The following PANK1 variants were observed in gnomAD, a reference collection of about 807,000 sequenced individuals.
PANK1 encodes the protein pantothenic acid kinase 1.
Under a neutral mutation model 40.1 loss-of-function variants are expected in PANK1, and 18 were observed. The observed-to-expected ratio is 0.45, with a 90% CI of 0.31 to 0.67. The LOEUF (loss-of-function observed/expected upper bound fraction) is 0.67. Ranked by LOEUF, PANK1 falls within the 30% of genes least tolerant of loss-of-function variation. PANK1 has a pLI of 0.06. For synonymous variants in PANK1, 242 were observed against 237.7 expected (o/e 1.02, Z -0.17); for missense variants, 457 against 599.6 (o/e 0.76, Z 2.48).
chr10:89,586,486 T>C (rs1212360265), intron 6 of PANK1, among the ~76,000 whole-genome samples: 1 of 152,196 alleles, frequency 6.6e-6, no homozygotes, highest in Non-Finnish European at 1.5e-5. Flanking sequence ...TTCTTTAGTA[T>C]GAATTTCTAT....
chr10:89,581,538 C>A (rs1451922801), downstream of PANK1: 1 of 152,560 alleles, frequency 6.6e-6, no homozygotes, highest in East Asian at 1.9e-4. Context: ...CCCGCCTCAG[C>A]CTCCCAAGTA....
In PANK1 at chr10:89,631,976, G is replaced by GTGTGTGTGTGTGTGTGTGTGT. The variant is rs199540491; in HGVS notation, c.292+12623_292+12624insACACACACACACACACACACA. Among the ~76,000 whole-genome samples the GTGTGTGTGTGTGTGTGTGTGT allele has an allele frequency of 2.8e-5, 4 of 143,308 alleles. No individual in the cohort carries two copies. In the South Asian group the frequency reaches 6.6e-4, roughly 24 times the overall value. 94.0% of individuals were successfully genotyped at this position (143,308 alleles called of 152,430 possible). A position where few individuals can be genotyped will look rare whatever the true frequency, so the allele number is the denominator to read the frequency against. ...ACAGATTGTGTGTGTGTGTGTGTGT[G>GTGTGTGTGTGTGTGTGTGTGT]TTTTTTTTTTTAAAAAGGGTTCTTT... is the stretch of plus-strand genomic sequence containing the variant. On this transcript the variant is annotated intron_variant, in intron 1 of 6. Coordinates refer to ENST00000307534, the MANE Select transcript of PANK1 (RefSeq NM_148977.3).
chr10:89,640,009 A>G (rs911672497), intron 1 of PANK1, among the ~76,000 whole-genome samples: 42 of 152,244 alleles, frequency 2.8e-4, no homozygotes, highest in African/African-American at 8.9e-4. Flanking sequence ...TTATTGTGAT[A>G]GAAAACAAAG....
rs771494165 is a variant in PANK1, at chr10:89,599,522, A to G, written c.646-17T>C. The G allele has an allele frequency of 5.6e-6, 9 of 1,603,596 alleles. No homozygotes were observed. Among genetic ancestry groups the G allele is most frequent in the Non-Finnish European group, 6.8e-6 (8 of 1,174,002 alleles). ...GTCAGCAATCTAAAACAAAACACAC[A>G]ACAAAATAAAACCTTGTGAGATAGG... On this transcript the variant is annotated splice_polypyrimidine_tract_variant and intron_variant, in intron 2 of 6. Coordinates refer to ENST00000307534, the MANE Select transcript of PANK1 (RefSeq NM_148977.3).
chr10:89,645,077 C>G lies in PANK1; in HGVS notation c.-186G>C, dbSNP rs760984127. On this transcript the variant is annotated 5_prime_UTR_variant, in exon 1 of 7. Transcript: ENST00000307534. ...CCTGCCGACTCCCCCACCTCCTCTG[C>G]GCCCTGCCCCCCGCGCGCCGGCCCC... is the stretch of plus-strand genomic sequence containing the variant. 6.6e-7 allele frequency: 1 copy of G among 1,522,418 alleles called. No homozygotes were observed. The highest frequency in any genetic ancestry group is 1.2e-5 in the South Asian group (1 of 80,108). 94.3% of individuals were successfully genotyped at this position (1,522,418 alleles called of 1,614,324 possible). A position where few individuals can be genotyped will look rare whatever the true frequency, so the allele number is the denominator to read the frequency against.
At chr10:89,584,764 T>C (rs543760096) in intron 6 of PANK1, among the ~76,000 whole-genome samples, 1 of 152,340 alleles carries the variant, frequency 6.6e-6, no homozygotes, top group East Asian at 1.9e-4. Flanking sequence ...AAACACTGAC[T>C]ATTATTTCAC....
chr10:89,607,599 G>A (rs143652381), intron 2 of PANK1, among the ~76,000 whole-genome samples: 108 of 152,320 alleles, frequency 7.1e-4, no homozygotes, highest in African/African-American at 2.3e-3. Flanking sequence ...AACAAGGTAT[G>A]CCTGTATTGC....
At chr10:89,610,290 T>C (rs781579717) in intron 2 of PANK1, among the ~76,000 whole-genome samples, 17 of 152,180 alleles carry the variant, frequency 1.1e-4, no homozygotes, top group Non-Finnish European at 2.4e-4. Context: ...GAGTTCAGGT[T>C]CAATGGTTTT....
chr10:89,611,671 T>C, intron 2 of PANK1, 25 bp downstream of exon 2: 1 of 1,537,562 alleles, frequency 6.5e-7, no homozygotes. Flanking sequence ...GTTTTGATGT[T>C]TTAACAAAGA....
chr10:89,608,278 A>G (rs988934656), intron 2 of PANK1, among the ~76,000 whole-genome samples: 7 of 151,686 alleles, frequency 4.6e-5, no homozygotes, highest in African/African-American at 1.2e-4. Context: ...TGATCCACCC[A>G]CCTCGGCCCC....
intron 1 of PANK1, among the ~76,000 whole-genome samples, chr10:89,622,153 T>G (rs899928585): frequency 6.6e-6 from 1 of 152,244 alleles, no homozygotes; most frequent in African/African-American, 2.4e-5. Flanking sequence ...GTTGAAAACT[T>G]AATGACTATT....
Position 89,599,360 on chromosome 10 carries a change from G to A in PANK1, c.791C>T (p.Pro264Leu), listed in dbSNP as rs776859808. Residue 264 changes from proline (P) to leucine (L), a missense_variant, in exon 3 of 7, where the codon CCG (proline) becomes CTG (leucine). By Grantham distance (98) the Pro-to-Leu change is moderately conservative. Around this residue, in one of 4 missense-constraint regions of PANK1, gnomAD observed 286 missense variants for 415.8 expected, o/e 0.69. Transcript: ENST00000307534. Reference protein sequence around the residue: ...PTNPELCQKKPYCLDNPYPML... With the variant: ...PTNPELCQKKLYCLDNPYPML... ...AGGGTATGGGTTATCAAGGCAGTAC[G>A]GCTTTTTTTGACACAATTCAGGATT... 12 of 1,613,802 alleles carry A rather than the reference G, an allele frequency of 7.4e-6. No individual in the cohort carries two copies. Among genetic ancestry groups the A allele is most frequent in the South Asian group, 2.2e-5 (2 of 91,078 alleles).
intron 1 of PANK1, among the ~76,000 whole-genome samples, chr10:89,619,234 T>G (rs1845408362): frequency 6.6e-6 from 1 of 152,234 alleles, no homozygotes; most frequent in Admixed American, 6.5e-5. Flanking sequence ...AAAACTTTAT[T>G]GGCAGTTGAT....
At chr10:89,585,273 C>A (rs1224598761) in intron 6 of PANK1, among the ~76,000 whole-genome samples, 3 of 152,126 alleles carry the variant, frequency 2.0e-5, no homozygotes, top group African/African-American at 7.2e-5. Context: ...GAAGGCTCAG[C>A]CCTCATGACT....
chr10:89,584,877 T>C lies in PANK1; in HGVS notation c.1327-412A>G, dbSNP rs149237566. The stretch of plus-strand genomic sequence containing the variant: ...TGTCTGACTTTAAAGCTATATTTCA[T>C]GAGAGAAAACCCTAAACTTCCCTCA... On this transcript the variant is annotated intron_variant, in intron 6 of 6. Transcript: ENST00000307534. Among the ~76,000 whole-genome samples the C allele has an allele frequency of 1.1e-3, 175 of 152,340 alleles. 2 individuals carry two copies. The highest frequency in any genetic ancestry group is 4.0e-3 in the African/African-American group (166 of 41,580).
intron 1 of PANK1, among the ~76,000 whole-genome samples, chr10:89,642,028 T>A (rs1481678259): frequency 1.3e-5 from 2 of 152,280 alleles, no homozygotes; most frequent in East Asian, 3.9e-4. Flanking sequence ...TAAGGAAACC[T>A]GATAGTAAGT....
At position 89,644,840 on chromosome 10, in the gene PANK1, C is replaced by T. The variant is rs1842067814; in HGVS notation, c.52G>A (p.Ala18Thr). The change falls in exon 1 of 7, where the codon GCC (alanine) becomes ACC (threonine). Residue 18 changes from alanine (A) to threonine (T), a missense_variant. By Grantham distance (58) the Ala-to-Thr change is moderately conservative. Coordinates refer to ENST00000307534, the MANE Select transcript of PANK1 (RefSeq NM_148977.3). ...QERSVPHSPGAPVGTSAAAVN... is the reference protein window; with the variant it reads ...QERSVPHSPGTPVGTSAAAVN... ...GCGGCGGCGCTGGTGCCCACGGGGG[C>T]CCCTGGAGAGTGCGGGACCGAGCGC... The T allele has an allele frequency of 6.8e-7, 1 of 1,468,084 alleles. No individual in the cohort carries two copies. The highest frequency in any genetic ancestry group is 8.9e-7 in the Non-Finnish European group (1 of 1,117,696). 90.9% of individuals were successfully genotyped at this position (1,468,084 alleles called of 1,614,324 possible).
chr10:89,591,158 G>A (rs1246735928), intron 5 of PANK1, among the ~76,000 whole-genome samples: 1 of 152,052 alleles, frequency 6.6e-6, no homozygotes, highest in Non-Finnish European at 1.5e-5. Context: ...ATGCTATATA[G>A]AGTTTGCTAC....
intron 1 of PANK1, among the ~76,000 whole-genome samples, chr10:89,640,392 T>TACAC (rs34655029): frequency 0.21 from 31,629 of 149,964 alleles, 3,373 homozygotes; most frequent in East Asian, 0.36. Context: ...AAGGAGAGAA[T>TACAC]ACACACACAC....
Sources: gnomAD v4.1 joint callset for allele counts (sites outside exome capture counted in the v4.1 genomes callset) on GRCh38, gnomAD v4.1.1 for gene constraint, gnomAD v4.1.1 regional missense constraint, MANE v1.5 for transcripts, NCBI Gene and HGNC (gene_info 2026-07-23, HGNC 2026-07-21) for gene names.